The following NBDY variants were observed in gnomAD, a reference collection of about 807,000 sequenced individuals.
The protein encoded by NBDY is negative regulator of P-body association, also known as P-body dissociating protein.
chrX:56,782,554 A>G (rs2069699479), intron 2 of NBDY, among the ~76,000 whole-genome samples: 1 of 112,004 alleles, frequency 8.9e-6, no homozygotes, highest in African/African-American at 3.3e-5. Flanking sequence ...TCTCTCTGGT[A>G]TACCAAAAAC....
intron 2 of NBDY, among the ~76,000 whole-genome samples, chrX:56,740,400 T>C (rs1294529416): frequency 8.9e-6 from 1 of 111,995 alleles, no homozygotes; most frequent in East Asian, 2.8e-4. Flanking sequence ...GAGAACATGA[T>C]CAACTAGTGT....
At chrX:56,787,403 C>T (rs1003756309) in intron 2 of NBDY, among the ~76,000 whole-genome samples, 1 of 111,281 alleles carries the variant, frequency 9.0e-6, no homozygotes, top group East Asian at 2.8e-4. Context: ...CCACCACAGG[C>T]CTGAAGCTAC....
At chrX:56,752,042 T>G (rs1283381676) in intron 2 of NBDY, among the ~76,000 whole-genome samples, 1 of 112,285 alleles carries the variant, frequency 8.9e-6, no homozygotes, top group Non-Finnish European at 1.9e-5. Flanking sequence ...TTTCATTGTT[T>G]TCTGTGGCTG....
At chrX:56,767,438 T>A (rs1201178398) in intron 2 of NBDY, among the ~76,000 whole-genome samples, 2 of 113,290 alleles carry the variant, frequency 1.8e-5, no homozygotes, top group African/African-American at 6.4e-5. Flanking sequence ...GGAGCCCCTG[T>A]CTCCACTGGC....
intron 1 of NBDY, among the ~76,000 whole-genome samples, chrX:56,730,585 A>T (rs1304102942): frequency 1.0e-5 from 1 of 97,987 alleles, no homozygotes; most frequent in Admixed American, 1.2e-4. Context: ...AGGTTGAGTG[A>T]CATCTGCCAT....
intron 2 of NBDY, 79 bp downstream of exon 2, chrX:56,732,278 AC>A: frequency 3.5e-6 from 1 of 288,836 alleles, no homozygotes; most frequent in Non-Finnish European, 6.1e-6. Flanking sequence ...AAGTAGCCAA[AC>A]AAAACTCAAA....
At chrX:56,816,978 T>C (rs1337942207) in intron 2 of NBDY, among the ~76,000 whole-genome samples, 2 of 111,741 alleles carry the variant, frequency 1.8e-5, no homozygotes, top group Non-Finnish European at 3.8e-5. Context: ...ATGAGGCTGA[T>C]TGATTAGTTT....
chrX:56,803,652 C>T (rs1192106103), intron 2 of NBDY, among the ~76,000 whole-genome samples: 1 of 110,940 alleles, frequency 9.0e-6, no homozygotes, highest in East Asian at 2.8e-4. Context: ...CCACCCAGCC[C>T]GACATATTCT....
intron 2 of NBDY, among the ~76,000 whole-genome samples, chrX:56,762,110 G>T (rs755258883): frequency 9.0e-6 from 1 of 111,249 alleles, no homozygotes; most frequent in African/African-American, 3.3e-5. Context: ...CTTTCACTGG[G>T]ATGTCACTGT....
chrX:56,761,647 C>T (rs1024545641), intron 2 of NBDY, among the ~76,000 whole-genome samples: 1 of 113,385 alleles, frequency 8.8e-6, no homozygotes, highest in African/African-American at 3.2e-5. Context: ...TTCTTCTTCA[C>T]TGTCTTTACT....
intron 1 of NBDY, 26 bp from the exon 2 acceptor site, chrX:56,732,037 C>T (rs2069461785): frequency 3.4e-6 from 1 of 294,530 alleles, no homozygotes. Flanking sequence ...AAAAATGATG[C>T]CACAATATTT....
intron 2 of NBDY, among the ~76,000 whole-genome samples, chrX:56,767,584 G>C (rs377753270): frequency 5.4e-4 from 61 of 113,403 alleles, no homozygotes; most frequent in African/African-American, 1.6e-3. Flanking sequence ...CCCGCACTCC[G>C]AGCAGCCAGT....
chrX:56,754,982 G>A (rs2146720132), intron 2 of NBDY, among the ~76,000 whole-genome samples: 1 of 111,362 alleles, frequency 9.0e-6, no homozygotes, highest in East Asian at 2.8e-4. Flanking sequence ...TGAGAATGGA[G>A]CCACATATCT....
chrX:56,805,648 C>A (rs952661630), intron 2 of NBDY, among the ~76,000 whole-genome samples: 3 of 111,934 alleles, frequency 2.7e-5, no homozygotes, highest in Admixed American at 9.4e-5. Context: ...CAATGTGGTG[C>A]AGACCTGGGA....
chrX:56,805,892 A>C, intron 2 of NBDY, among the ~76,000 whole-genome samples: 1 of 111,344 alleles, frequency 9.0e-6, no homozygotes, highest in Middle Eastern at 4.7e-3. Context: ...ACATAGATAT[A>C]GACGTGCCAT....
At chrX:56,750,771 G>A (rs1602652933) in intron 2 of NBDY, among the ~76,000 whole-genome samples, 2 of 111,456 alleles carry the variant, frequency 1.8e-5, no homozygotes, top group South Asian at 7.6e-4. Context: ...AATATTCCAT[G>A]ATTTTTTCTT....
chrX:56,811,728 GC>G (rs2069887746), intron 2 of NBDY, among the ~76,000 whole-genome samples: 2 of 111,837 alleles, frequency 1.8e-5, no homozygotes, highest in African/African-American at 6.5e-5. Flanking sequence ...AGACCGGTTG[GC>G]CCCCTGGCTT....
At chrX:56,802,070 A>G (rs1475472589) in intron 2 of NBDY, among the ~76,000 whole-genome samples, 1 of 111,096 alleles carries the variant, frequency 9.0e-6, no homozygotes, top group Non-Finnish European at 1.9e-5. Flanking sequence ...ACACAGACGC[A>G]CACACACATG....
intron 2 of NBDY, among the ~76,000 whole-genome samples, chrX:56,745,049 T>C (rs923558231): frequency 9.9e-5 from 11 of 111,429 alleles, no homozygotes; most frequent in African/African-American, 3.3e-4. Flanking sequence ...ATTATCATTC[T>C]TGCACTTTGG....
Sources: allele counts gnomAD v4.1 joint callset (sites outside exome capture counted in the v4.1 genomes callset), GRCh38; gene constraint gnomAD v4.1.1; transcripts MANE v1.5; gene names NCBI Gene and HGNC (gene_info 2026-07-23, HGNC 2026-07-21).